Variants in F11 observed in about 807,000 individuals in gnomAD.
F11 encodes the protein coagualtion factor XI.
In F11, 78 loss-of-function variants were observed where a neutral mutation model predicts 76.5. That is an observed-to-expected ratio of 1.02 (90% CI 0.85 to 1.23). F11 has a LOEUF of 1.23. Among genes scored for constraint, F11 ranks in the 50% most tolerant of loss-of-function variants. The pLI, the probability that F11 is intolerant of heterozygous loss-of-function variation, is 0.00. For synonymous variants in F11, 278 were observed against 276.3 expected, an observed-to-expected ratio of 1.01 and a Z score of -0.06; for missense variants, 742 against 771.4, an observed-to-expected ratio of 0.96 and a Z score of 0.45.
At position 186,285,661 on chromosome 4, in the gene F11, GT is replaced by G. The variant is rs1554083727; in HGVS notation, c.1329del (p.Val444SerfsTer6). 6.2e-7 allele frequency: 1 copy of G among 1,614,050 alleles called. No homozygotes were observed. Among genetic ancestry groups the G allele is most frequent in the African/African-American group, 1.3e-5 (1 of 75,006 alleles). Reference sequence around the variant, plus strand: ...AGGGTAGAGTCACCTAAGATTTTGCGTGTCTACAGTGGCATTTTAAATCAAT... The same window carrying G: ...AGGGTAGAGTCACCTAAGATTTTGCGGTCTACAGTGGCATTTTAAATCAAT... The part of the protein sequence containing the change: ...FYGVESPKIL[R>X]VYSGILNQSE... On this transcript the variant is annotated frameshift_variant, in exon 12 of 15. Transcript: ENST00000403665. LOFTEE classifies it high-confidence loss of function.
At chr4:186,279,211 G>A (rs187336497) in intron 7 of F11, among the ~76,000 whole-genome samples, 117 of 152,138 alleles carry the variant, frequency 7.7e-4, no homozygotes, top group Non-Finnish European at 1.2e-3. Flanking sequence ...GTGAAACCCC[G>A]TCTCTACTAA....
chr4:186,278,955 T>C (rs1466193699), intron 7 of F11, among the ~76,000 whole-genome samples: 1 of 152,246 alleles, frequency 6.6e-6, no homozygotes, highest in East Asian at 1.9e-4. Flanking sequence ...TAGTCACTGC[T>C]CTTTTTCTTT....
In F11 at chr4:186,285,581, G is replaced by C; in HGVS notation, c.1305-57G>C. The C allele has an allele frequency of 3.2e-6, 5 of 1,546,510 alleles. No individual in the cohort carries two copies. In the South Asian group the frequency reaches 5.6e-5, roughly 17 times the overall value. On this transcript the variant is annotated intron_variant, in intron 11 of 14. Coordinates refer to ENST00000403665, the MANE Select transcript of F11 (RefSeq NM_000128.4). ...ATTAAACAGCCACACACTTCACAATGTCTGGGAATTATTTTTAGTAAAGGA... is the reference window on the plus strand; with the variant it reads ...ATTAAACAGCCACACACTTCACAATCTCTGGGAATTATTTTTAGTAAAGGA...
At position 186,275,913 on chromosome 4, in the gene F11, T is replaced by A. The variant is rs778213149; in HGVS notation, c.595+17T>A. 4.5e-6 allele frequency: 7 copies of A among 1,560,556 alleles called. No homozygotes were observed. Among genetic ancestry groups the A allele is most frequent in the Admixed American group, 1.7e-5 (1 of 58,816 alleles). On this transcript the variant is annotated intron_variant, in intron 6 of 14. Transcript: ENST00000403665. ...CTAATCTGGGTAATTATCGACTTCT[T>A]GATGATGTAATTCAACCATTAAATA... is the stretch of plus-strand genomic sequence containing the variant.
In F11 at chr4:186,275,853, G is replaced by T. The variant is rs751669451; in HGVS notation, c.552G>T (p.Val184=). 2.5e-6 allele frequency: 4 copies of T among 1,613,484 alleles called. No individual in the cohort carries two copies. The Admixed American group carries it at 5.0e-5, about 20-fold the overall frequency. The change falls in exon 6 of 15, where the codon GTG becomes GTT. Residue 184 remains valine (V), a synonymous_variant. Transcript: ENST00000403665. The stretch of plus-strand genomic sequence containing the variant: ...CCAGAATAACGAAGCTCGATAAAGT[G>T]GTGTCTGGATTTTCACTGAAATCCT... ...TPTRITKLDK[V]VSGFSLKSCA...
At chr4:186,271,887 T>C in intron 3 of F11, 116 bp downstream of exon 3, 1 of 1,186,876 alleles carries the variant, frequency 8.4e-7, no homozygotes, top group South Asian at 1.3e-5. Context: ...GAAGATAAAT[T>C]GTCTTTCAGT....
chr4:186,268,345 A>G lies in F11; in HGVS notation c.55+1154A>G, dbSNP rs562666733. ...TTTTCTATCAGGGACTTGAGCGTTCATGGATTTTGGTATCTGCAGGAGGTC... is the reference window on the plus strand; with the variant it reads ...TTTTCTATCAGGGACTTGAGCGTTCGTGGATTTTGGTATCTGCAGGAGGTC... On this transcript the variant is annotated intron_variant, in intron 2 of 14. Transcript: ENST00000403665. Among the ~76,000 whole-genome samples, 86 of 152,270 alleles carry G rather than the reference A, an allele frequency of 5.6e-4. 1 individual carries two copies. The South Asian group carries it at 6.8e-3, about 12-fold the overall frequency.
Position 186,275,769 on chromosome 4 carries a change from CT to C in F11, c.486-13del. 6.4e-7 allele frequency: 1 copy of C among 1,574,474 alleles called. No homozygotes were observed. Among genetic ancestry groups the C allele is most frequent in the Non-Finnish European group, 8.7e-7 (1 of 1,146,728 alleles). ...CAGTTGGAAGAATAAGACACTTTTC[CT>C]TTTTCTTTTTATTCAGTAACATTTG... On this transcript the variant is annotated splice_polypyrimidine_tract_variant and intron_variant, in intron 5 of 14. Coordinates refer to ENST00000403665, the MANE Select transcript of F11 (RefSeq NM_000128.4).
At position 186,276,314 on chromosome 4, in the gene F11, G is replaced by A; in HGVS notation, c.679G>A (p.Gly227Ser). 2 of 1,613,998 alleles carry A rather than the reference G, an allele frequency of 1.2e-6. No individual in the cohort carries two copies. The highest frequency in any genetic ancestry group is 1.7e-6 in the Non-Finnish European group (2 of 1,180,026). Residue 227 changes from glycine (G) to serine (S), a missense_variant, in exon 7 of 15, where the codon GGC (glycine) becomes AGC (serine). Physicochemically the swap from Gly to Ser is moderately conservative, Grantham distance 56. Transcript: ENST00000403665. ...CATGGCTCCCGATGCTTTTGTCTGT[G>A]GCCGAATCTGCACTCATCATCCCGG... ...SVMAPDAFVC[G>S]RICTHHPGCL...
intron 10 of F11, among the ~76,000 whole-genome samples, chr4:186,280,856 C>CTTTTTTTTTTTTTT (rs33985758): frequency 2.8e-5 from 3 of 108,174 alleles, no homozygotes; most frequent in Non-Finnish European, 3.7e-5. Flanking sequence ...TTCTTTCTTT[C>CTTTTTTTTTTTTTT]TTTTTTTTTT....
intron 11 of F11, among the ~76,000 whole-genome samples, chr4:186,284,686 G>A (rs1285902537): frequency 5.9e-5 from 9 of 152,116 alleles, no homozygotes; most frequent in South Asian, 2.1e-4. Context: ...GGTGGTTCAC[G>A]CCTGTCATCT....
intron 12 of F11, 93 bp downstream of exon 12, chr4:186,285,906 C>T: frequency 4.5e-6 from 6 of 1,322,766 alleles, no homozygotes; most frequent in Non-Finnish European, 6.5e-6. Flanking sequence ...CTGCCAATCT[C>T]TCCATGCGTT....
chr4:186,281,926 C>A, intron 10 of F11: 1 of 1,274,238 alleles, frequency 7.8e-7, no homozygotes, highest in South Asian at 1.3e-5. Flanking sequence ...ACAGACTATG[C>A]CTTCCTAGAG....
chr4:186,272,952 T>C, intron 3 of F11, 119 bp from the exon 4 acceptor site: 1 of 667,266 alleles, frequency 1.5e-6, no homozygotes, highest in Non-Finnish European at 2.7e-6. Flanking sequence ...ATATTTGTTT[T>C]GGCATGAGAT....
In F11 at chr4:186,288,594, G is replaced by C. The variant is rs148054334; in HGVS notation, c.1858G>C (p.Glu620Gln). ...GGTCGAGTACGTGGACTGGATTCTG[G>C]AGAAAACTCAAGCAGTGTGAATGGG... ...NVVEYVDWIL[E>Q]KTQAV The change falls in exon 15 of 15, where the codon GAG becomes CAG. Residue 620 changes from glutamate to glutamine, a missense_variant. Transcript: ENST00000403665. 1.4e-4 allele frequency: 233 copies of C among 1,614,124 alleles called. No homozygotes were observed. The highest frequency in any genetic ancestry group is 9.9e-4 in the Middle Eastern group (6 of 6,062).
At chr4:186,282,692 C>T (rs1412439406) in intron 10 of F11, 2 of 985,198 alleles carry the variant, frequency 2.0e-6, no homozygotes, top group Non-Finnish European at 2.4e-6. Context: ...TGACGCTTCC[C>T]ACCTTGCAGA....
chr4:186,286,347 A>G, intron 12 of F11, 68 bp from the exon 13 acceptor site: 1 of 1,327,174 alleles, frequency 7.5e-7, no homozygotes, highest in Non-Finnish European at 1.1e-6. Flanking sequence ...ACAGTGGAAG[A>G]AGAGTCTCTT....
rs150644991 is a variant in F11, at chr4:186,276,322, C to T, written c.687C>T (p.Ile229=). 108 of 1,614,034 alleles carry T rather than the reference C, an allele frequency of 6.7e-5. No homozygotes were observed. Among genetic ancestry groups the T allele is most frequent in the Non-Finnish European group, 9.1e-5 (107 of 1,180,036 alleles). Residue 229 remains isoleucine (I), a synonymous_variant, in exon 7 of 15, where the codon ATC becomes ATT. Coordinates refer to ENST00000403665, the MANE Select transcript of F11 (RefSeq NM_000128.4). ...CCGATGCTTTTGTCTGTGGCCGAAT[C>T]TGCACTCATCATCCCGGTTGCTTGT... is the stretch of plus-strand genomic sequence containing the variant. ...MAPDAFVCGR[I]CTHHPGCLFF...
chr4:186,271,528 C>A, intron 2 of F11, 81 bp from the exon 3 acceptor site: 1 of 1,504,758 alleles, frequency 6.6e-7, no homozygotes, highest in Non-Finnish European at 9.3e-7. Flanking sequence ...AGCTACTTGC[C>A]TTGCCTTTAT....
Sources: gnomAD v4.1 joint callset for allele counts (sites outside exome capture counted in the v4.1 genomes callset) on GRCh38, gnomAD v4.1.1 for gene constraint, MANE v1.5 for transcripts, NCBI Gene and HGNC (gene_info 2026-07-23, HGNC 2026-07-21) for gene names.